The following P4HB variants were observed in gnomAD, a reference collection of about 807,000 sequenced individuals.
The protein encoded by P4HB is protein disulfide-isomerase.
A neutral mutation model predicts 52.6 loss-of-function variants in P4HB; 20 were observed. The observed-to-expected ratio is 0.38, with a 90% CI of 0.27 to 0.55. The LOEUF is 0.55. Among genes scored for constraint, P4HB ranks in the 20% least tolerant of loss-of-function variants. The pLI, the probability that P4HB is intolerant of heterozygous loss-of-function variation, is 0.74. For missense variants in P4HB, 601 were observed against 669.2 expected (o/e 0.90, Z 1.12); for synonymous variants, 296 against 277.9 (o/e 1.07, Z -0.65).
In P4HB at chr17:81,845,975, T is replaced by A. The variant is rs2038729452; in HGVS notation, c.1073A>T (p.Gln358Leu). Residue 358 changes from glutamine to leucine, a missense_variant, in exon 8 of 11, where the codon CAG (glutamine) becomes CTG (leucine). Transcript: ENST00000331483. ...EGKIKPHLMS[Q>L]ELPEDWDKQP... ...CTTGTCCCAGTCCTCCGGCAGCTCCTGGCTCATCAGGTGGGGCTGGAGGGC... is the reference window on the plus strand; with the variant it reads ...CTTGTCCCAGTCCTCCGGCAGCTCCAGGCTCATCAGGTGGGGCTGGAGGGC... The A allele has an allele frequency of 6.2e-7, 1 of 1,610,932 alleles. No homozygotes were observed. The highest frequency in any genetic ancestry group is 8.5e-7 in the Non-Finnish European group (1 of 1,178,332).
At position 81,847,372 on chromosome 17, in the gene P4HB, C is replaced by A. The variant is rs185056320; in HGVS notation, c.625-25G>T. The A allele has an allele frequency of 1.7e-4, 269 of 1,579,478 alleles. No individual in the cohort carries two copies. The East Asian group carries it at 5.7e-3, about 34-fold the overall frequency. On this transcript the variant is annotated intron_variant, in intron 4 of 10. Coordinates refer to ENST00000331483, the MANE Select transcript of P4HB (RefSeq NM_000918.4). ...ACTGTGGACAGAAAGAGGGCCCTGACTGAGCATTGCTGCTGGGAGCACAGC... is the reference window on the plus strand; with the variant it reads ...ACTGTGGACAGAAAGAGGGCCCTGAATGAGCATTGCTGCTGGGAGCACAGC...
Position 81,847,080 on chromosome 17 carries a change from A to G in P4HB, c.730-8T>C, listed in dbSNP as rs779167646. The G allele has an allele frequency of 6.8e-6, 11 of 1,613,860 alleles. No homozygotes were observed. The East Asian group carries it at 2.4e-4, about 36-fold the overall frequency. On this transcript the variant is annotated splice_region_variant and splice_polypyrimidine_tract_variant and intron_variant, in intron 5 of 10. Coordinates refer to ENST00000331483, the MANE Select transcript of P4HB (RefSeq NM_000918.4). ...AAAAATCTTCGGGGCTGTCTGTGTTATAAACTTAAGTTACTGGGTCTGAGT... is the reference window on the plus strand; with the variant it reads ...AAAAATCTTCGGGGCTGTCTGTGTTGTAAACTTAAGTTACTGGGTCTGAGT...
intron 2 of P4HB, among the ~76,000 whole-genome samples, chr17:81,857,681 CCA>C (rs1408770471): frequency 6.6e-6 from 1 of 152,206 alleles, no homozygotes; most frequent in Non-Finnish European, 1.5e-5. Context: ...TCCATGCCTC[CCA>C]GACCAGGAAG....
Position 81,843,985 on chromosome 17 carries a change from G to A in P4HB, c.*27C>T, listed in dbSNP as rs201806182. Reference sequence around the variant, plus strand: ...GGGTGTGCAGCCCCCGAGGGGTCTCGGCAGCGCCCGGGTCTGGCTTTGCGT... The same window carrying A: ...GGGTGTGCAGCCCCCGAGGGGTCTCAGCAGCGCCCGGGTCTGGCTTTGCGT... On this transcript the variant is annotated 3_prime_UTR_variant, in exon 11 of 11. Transcript: ENST00000331483. 31 of 1,568,976 alleles carry A rather than the reference G, an allele frequency of 2.0e-5. No individual in the cohort carries two copies. The highest frequency in any genetic ancestry group is 5.5e-5 in the South Asian group (5 of 90,188).
rs779254472 is a variant in P4HB at position 81,846,028 on chromosome 17, G to A, written c.1057-37C>T. ...GCAGGGCACGGTGAGGGGCGGCGATGCCTGGGGGACCACAGAGCTCCCCAA... is the reference window on the plus strand; with the variant it reads ...GCAGGGCACGGTGAGGGGCGGCGATACCTGGGGGACCACAGAGCTCCCCAA... On this transcript the variant is annotated intron_variant, in intron 7 of 10. Coordinates refer to ENST00000331483, the MANE Select transcript of P4HB (RefSeq NM_000918.4). The surrounding 1 kb of genome is among the most constrained non-coding windows in gnomAD (Gnocchi z 5.7). 2 of 1,571,618 alleles carry A rather than the reference G, an allele frequency of 1.3e-6. No homozygotes were observed. The highest frequency in any genetic ancestry group is 2.3e-5 in the South Asian group (2 of 87,332).
chr17:81,843,411 G>C lies in P4HB; in HGVS notation c.*601C>G. On this transcript the variant is annotated 3_prime_UTR_variant, in exon 11 of 11. Transcript: ENST00000331483. ...AGGGGAAGGCCCAGGCCTGTGCCGG[G>C]CCCCAGGGCTGGCAGCCACCAGCTC... 2.5e-6 allele frequency: 1 copy of C among 399,210 alleles called. No homozygotes were observed. The highest frequency in any genetic ancestry group is 4.4e-6 in the Non-Finnish European group (1 of 226,874). 24.7% of individuals were successfully genotyped at this position (399,210 alleles called of 1,614,324 possible).
chr17:81,860,370 G>A lies in P4HB; in HGVS notation c.102C>T (p.Phe34=). ...DHVLVLRKSN[F]AEALAAHKYL... ...ACTTGTGGGCCGCCAGCGCCTCCGCGAAGTTGCTTTTCCGCAGCACCAGGA... is the reference window on the plus strand; with the variant it reads ...ACTTGTGGGCCGCCAGCGCCTCCGCAAAGTTGCTTTTCCGCAGCACCAGGA... The change falls in exon 1 of 11, where the codon TTC becomes TTT. Residue 34 remains phenylalanine, a synonymous_variant. Transcript: ENST00000331483. 3 of 1,473,730 alleles carry A rather than the reference G, an allele frequency of 2.0e-6. No homozygotes were observed. Among genetic ancestry groups the A allele is most frequent in the Non-Finnish European group, 2.7e-6 (3 of 1,111,826 alleles). 91.3% of individuals were successfully genotyped at this position (1,473,730 alleles called of 1,614,324 possible).
intron 2 of P4HB, 96 bp downstream of exon 2, chr17:81,859,085 C>T (rs1050563819): frequency 1.1e-5 from 12 of 1,138,182 alleles, no homozygotes; most frequent in African/African-American, 3.0e-5. Context: ...CTCTGGAACC[C>T]GGCCTCCCCA....
intron 4 of P4HB, chr17:81,847,626 C>T: frequency 2.0e-6 from 1 of 503,394 alleles, no homozygotes; most frequent in Non-Finnish European, 3.6e-6. Flanking sequence ...TGAAGTGTGG[C>T]CCATCCCCAG....
chr17:81,843,927 A>G lies in P4HB; in HGVS notation c.*85T>C, dbSNP rs201016924. The stretch of plus-strand genomic sequence containing the variant: ...TTCCGGCGACGCCCTCCTTCAAGCG[A>G]GGCCGCAGGCTTCGGAGGCGTGCGC... On this transcript the variant is annotated 3_prime_UTR_variant, in exon 11 of 11. Transcript: ENST00000331483. 7.4e-5 allele frequency: 74 copies of G among 996,684 alleles called. No individual in the cohort carries two copies. The African/African-American group carries it at 1.1e-3, about 15-fold the overall frequency. 61.7% of individuals were successfully genotyped at this position (996,684 alleles called of 1,614,324 possible).
intron 10 of P4HB, among the ~76,000 whole-genome samples, 197 bp from the exon 11 acceptor site, chr17:81,844,289 C>A (rs1381315761): frequency 6.6e-6 from 1 of 152,216 alleles, no homozygotes; most frequent in African/African-American, 2.4e-5. Flanking sequence ...TGGGGGATTT[C>A]TGCCTATAGC....
intron 2 of P4HB, among the ~76,000 whole-genome samples, chr17:81,856,597 C>G (rs2038915367): frequency 6.6e-6 from 1 of 151,412 alleles, no homozygotes; most frequent in African/African-American, 2.4e-5. Flanking sequence ...AGCGGTCTCC[C>G]AAAGTGCTAG....
At chr17:81,845,409 G>A (rs1461133619) in intron 9 of P4HB, 152 bp downstream of exon 9, 12 of 875,748 alleles carry the variant, frequency 1.4e-5, no homozygotes, top group East Asian at 5.3e-5. Flanking sequence ...CATCTCTCTC[G>A]AAAAACAAAG....
chr17:81,859,348 T>C lies in P4HB; in HGVS notation c.185A>G (p.Glu62Gly), dbSNP rs1181293148. ...WCGHCKALAP[E>G]YAKAAGKLKA... ...CAGCTTCCCAGCGGCTTTGGCATACTCAGGGGCCAGAGCCTTGCAGTGGCC... is the reference window on the plus strand; with the variant it reads ...CAGCTTCCCAGCGGCTTTGGCATACCCAGGGGCCAGAGCCTTGCAGTGGCC... The change falls in exon 2 of 11, where the codon GAG (glutamate) becomes GGG (glycine). Residue 62 changes from glutamate to glycine, a missense_variant. Glu to Gly is a moderately conservative substitution (Grantham distance 98). Coordinates refer to ENST00000331483, the MANE Select transcript of P4HB (RefSeq NM_000918.4). 6.2e-7 allele frequency: 1 copy of C among 1,613,852 alleles called. No homozygotes were observed. The highest frequency in any genetic ancestry group is 8.5e-7 in the Non-Finnish European group (1 of 1,180,002).
chr17:81,848,432 G>T (rs910455040), intron 4 of P4HB, among the ~76,000 whole-genome samples: 1 of 150,984 alleles, frequency 6.6e-6, no homozygotes, highest in Admixed American at 6.6e-5. Context: ...CATGTAATGG[G>T]ATTATTATTC....
Position 81,855,068 on chromosome 17 carries a change from A to T in P4HB, c.624+74T>A. 2 of 1,461,054 alleles carry T rather than the reference A, an allele frequency of 1.4e-6. No homozygotes were observed. The highest frequency in any genetic ancestry group is 2.8e-5 in the African/African-American group (2 of 72,052). 90.5% of individuals were successfully genotyped at this position (1,461,054 alleles called of 1,614,324 possible). On this transcript the variant is annotated intron_variant, in intron 4 of 10. Transcript: ENST00000331483. This position sits in a 1 kb window ranked among gnomAD's most constrained non-coding sequence, Gnocchi z 4.3. ...TGCCAGGAGCAAGGTTCCCTTAACG[A>T]TAAGGAGAGCAACGCCACCCTCTGC...
chr17:81,854,520 C>T (rs902496616), intron 4 of P4HB, among the ~76,000 whole-genome samples: 14 of 146,452 alleles, frequency 9.6e-5, no homozygotes, highest in Admixed American at 4.2e-4. Flanking sequence ...CCAGCCTGGG[C>T]GGCAGAGTGA....
At chr17:81,857,649 A>C (rs1043135513) in intron 2 of P4HB, among the ~76,000 whole-genome samples, 1 of 152,128 alleles carries the variant, frequency 6.6e-6, no homozygotes, top group Non-Finnish European at 1.5e-5. Context: ...GCGTTTCGGG[A>C]GTTCTCGCCA....
At position 81,843,894 on chromosome 17, in the gene P4HB, C is replaced by G; in HGVS notation, c.*118G>C. 1 of 767,632 alleles carries G rather than the reference C, an allele frequency of 1.3e-6. No homozygotes were observed. The highest frequency in any genetic ancestry group is 2.4e-5 in the East Asian group (1 of 41,104). 47.6% of individuals were successfully genotyped at this position (767,632 alleles called of 1,614,324 possible). On this transcript the variant is annotated 3_prime_UTR_variant, in exon 11 of 11. Transcript: ENST00000331483. ...GGTGAGGTGTCACTTCAGAGAGGTTCCCTGGGTTTCCGGCGACGCCCTCCT... is the reference window on the plus strand; with the variant it reads ...GGTGAGGTGTCACTTCAGAGAGGTTGCCTGGGTTTCCGGCGACGCCCTCCT...
Sources: gnomAD v4.1 joint callset for allele counts (sites outside exome capture counted in the v4.1 genomes callset) on GRCh38, gnomAD v4.1.1 for gene constraint, Gnocchi (gnomAD v3.1) non-coding constraint, MANE v1.5 for transcripts, NCBI Gene and HGNC (gene_info 2026-07-23, HGNC 2026-07-21) for gene names.